The following FMR1NB variants were observed in gnomAD, a reference collection of about 807,000 sequenced individuals.
FMR1NB encodes the protein FMR1 neighbor protein.
A neutral mutation model predicts 16.8 loss-of-function variants in FMR1NB; 10 were observed. That is an observed-to-expected ratio of 0.60 (90% CI 0.37 to 1.01). The LOEUF (loss-of-function observed/expected upper bound fraction) is 1.01, where lower values mean the gene tolerates loss of function less well. FMR1NB is among the 50% of genes least tolerant of loss of function. The pLI is 0.01. For synonymous variants in FMR1NB, 83 were observed against 79.1 expected (o/e 1.05, Z -0.26); for missense variants, 205 against 204.8 (o/e 1.00, Z 0.00).
chrX:147,986,707 G>A (rs1287247251), intron 1 of FMR1NB, among the ~76,000 whole-genome samples: 1 of 111,696 alleles, frequency 9.0e-6, no homozygotes, highest in African/African-American at 3.3e-5. Flanking sequence ...GTACTATGCT[G>A]TTTTGGTTAC....
intron 4 of FMR1NB, among the ~76,000 whole-genome samples, chrX:148,019,550 C>T (rs782369384): frequency 1.8e-5 from 2 of 111,583 alleles, no homozygotes; most frequent in Admixed American, 9.5e-5. Context: ...TGTCTTTCTT[C>T]GGACAGCTTT....
At chrX:148,000,454 A>G (rs1037909264) in intron 1 of FMR1NB, among the ~76,000 whole-genome samples, 1 of 112,315 alleles carries the variant, frequency 8.9e-6, no homozygotes, top group Non-Finnish European at 1.9e-5. Flanking sequence ...TGTAGCACAC[A>G]AAAGAAAACT....
intron 5 of FMR1NB, chrX:148,025,780 TTTGAAAA>T (rs2044700786): frequency 1.8e-5 from 2 of 112,066 alleles, no homozygotes; most frequent in African/African-American, 3.2e-5. Flanking sequence ...GTGAAAATGT[TTTGAAAA>T]TTGCAATGCA....
chrX:148,003,138 A>T, intron 1 of FMR1NB, 63 bp from the exon 2 acceptor site: 1 of 1,102,654 alleles, frequency 9.1e-7, no homozygotes, highest in Non-Finnish European at 1.2e-6. Context: ...ATTACCATTC[A>T]AGGGTCATTG....
intron 1 of FMR1NB, among the ~76,000 whole-genome samples, chrX:148,000,958 A>G (rs2044567372): frequency 8.9e-6 from 1 of 112,114 alleles, no homozygotes; most frequent in Non-Finnish European, 1.9e-5. Context: ...TGATAATATT[A>G]TTGTCTATCT....
chrX:148,022,137 C>G (rs781908754), intron 4 of FMR1NB, among the ~76,000 whole-genome samples: 1 of 111,774 alleles, frequency 8.9e-6, no homozygotes, highest in Admixed American at 9.5e-5. Context: ...TGTTTACAAA[C>G]AACATGCCAC....
chrX:148,017,137 G>A (rs2044653692), intron 4 of FMR1NB, among the ~76,000 whole-genome samples: 1 of 110,849 alleles, frequency 9.0e-6, no homozygotes, highest in Non-Finnish European at 1.9e-5. Flanking sequence ...TACTGCTCTA[G>A]GGTGAAAGAG....
intron 1 of FMR1NB, among the ~76,000 whole-genome samples, chrX:147,988,183 G>A (rs2044486434): frequency 9.0e-6 from 1 of 111,427 alleles, no homozygotes; most frequent in African/African-American, 3.3e-5. Context: ...CTTCCTTCAG[G>A]TACTCTTGTA....
At chrX:148,017,558 T>A (rs1197528910) in intron 4 of FMR1NB, among the ~76,000 whole-genome samples, 1 of 109,827 alleles carries the variant, frequency 9.1e-6, no homozygotes, top group African/African-American at 3.3e-5. Context: ...ATTTTTTAAA[T>A]TTTATTATTA....
chrX:147,989,235 GTT>G, intron 1 of FMR1NB, among the ~76,000 whole-genome samples: 1 of 112,134 alleles, frequency 8.9e-6, no homozygotes, highest in Admixed American at 9.4e-5. Context: ...CATTTGTTAG[GTT>G]TTCTTCTAAC....
chrX:148,025,104 A>T, intron 5 of FMR1NB, 91 bp downstream of exon 5: 1 of 994,118 alleles, frequency 1.0e-6, no homozygotes. Flanking sequence ...TGACTGACAC[A>T]TTTTTTTTAA....
chrX:148,007,380 C>T (rs1557189242), intron 3 of FMR1NB, among the ~76,000 whole-genome samples: 1 of 111,914 alleles, frequency 8.9e-6, no homozygotes, highest in East Asian at 2.8e-4. Context: ...GCCTCGACAT[C>T]CGGGGCTCAA....
Position 148,024,900 on chromosome X carries a change from G to C in FMR1NB, c.668G>C (p.Arg223Thr). ...PADDLQRQDN[R>T]VVTGLKKQRR... is the part of the protein sequence containing the mutation. ...GATGATTTACAAAGGCAGGACAACAGAGTTGTAACGGGTTTGAAGAAACAA... is the reference window on the plus strand; with the variant it reads ...GATGATTTACAAAGGCAGGACAACACAGTTGTAACGGGTTTGAAGAAACAA... Residue 223 changes from arginine to threonine, a missense_variant, in exon 5 of 6, where the codon AGA (arginine) becomes ACA (threonine). Coordinates refer to ENST00000370467, the MANE Select transcript of FMR1NB (RefSeq NM_152578.3). The C allele has an allele frequency of 8.3e-7, 1 of 1,211,071 alleles. No individual in the cohort carries two copies. The highest frequency in any genetic ancestry group is 1.1e-6 in the Non-Finnish European group (1 of 894,974).
At chrX:148,008,167 C>T (rs1216782667) in intron 3 of FMR1NB, 1 of 116,464 alleles carries the variant, frequency 8.6e-6, no homozygotes, top group African/African-American at 3.2e-5. Flanking sequence ...TTGCTTAGCT[C>T]ACAAGATCAG....
chrX:148,013,279 A>G (rs1257664953), intron 4 of FMR1NB, among the ~76,000 whole-genome samples: 2 of 111,937 alleles, frequency 1.8e-5, no homozygotes, highest in African/African-American at 6.5e-5. Flanking sequence ...GTTGCCAAGT[A>G]ACTAATAACT....
intron 1 of FMR1NB, among the ~76,000 whole-genome samples, chrX:147,996,153 C>T (rs1403146666): frequency 9.0e-6 from 1 of 111,259 alleles, no homozygotes; most frequent in Non-Finnish European, 1.9e-5. Context: ...ACCATATTTG[C>T]TATTAAGAAA....
intron 4 of FMR1NB, among the ~76,000 whole-genome samples, chrX:148,015,468 C>T (rs782581664): frequency 9.0e-6 from 1 of 111,494 alleles, no homozygotes; most frequent in Non-Finnish European, 1.9e-5. Flanking sequence ...CTATAATCTT[C>T]CCTCTGAGTA....
chrX:147,996,047 CCAGT>C (rs2044539783), intron 1 of FMR1NB, among the ~76,000 whole-genome samples: 1 of 111,900 alleles, frequency 8.9e-6, no homozygotes, highest in African/African-American at 3.2e-5. Flanking sequence ...CTTAATGATA[CCAGT>C]CATTCATATT....
intron 4 of FMR1NB, 146 bp from the exon 5 acceptor site, chrX:148,024,719 T>C: frequency 1.5e-6 from 1 of 681,019 alleles, no homozygotes. Context: ...GAATAATTTC[T>C]ATCGGATTTA....
Sources: allele counts gnomAD v4.1 joint callset (sites outside exome capture counted in the v4.1 genomes callset), GRCh38; gene constraint gnomAD v4.1.1; transcripts MANE v1.5; gene names NCBI Gene and HGNC (gene_info 2026-07-23, HGNC 2026-07-21).